Variants in GRAMD1B observed in about 807,000 individuals in gnomAD.
GRAMD1B encodes the protein GRAM domain containing 1B.
Under a neutral mutation model 99.7 loss-of-function variants are expected in GRAMD1B, and 37 were observed. That is an observed-to-expected ratio of 0.37 (90% CI 0.29 to 0.49). GRAMD1B has a LOEUF of 0.49. Among genes scored for constraint, GRAMD1B ranks in the 20% least tolerant of loss-of-function variants. The pLI is 0.98. For missense variants in GRAMD1B, 888 were observed against 1,009.2 expected (o/e 0.88, Z 1.63); for synonymous variants, 427 against 387.6 (o/e 1.10, Z -1.19).
chr11:123,449,600 T>C (rs990865047), intron 1 of GRAMD1B, among the ~76,000 whole-genome samples: 1 of 152,146 alleles, frequency 6.6e-6, no homozygotes, highest in Non-Finnish European at 1.5e-5. Flanking sequence ...TTTATTTTTA[T>C]TTTTTCATAT....
At chr11:123,518,013 T>G (rs1265388938) in intron 2 of GRAMD1B, among the ~76,000 whole-genome samples, 2 of 152,080 alleles carry the variant, frequency 1.3e-5, no homozygotes, top group African/African-American at 4.8e-5. Context: ...ACGGGGGTGA[T>G]TAGAAATCTG....
At position 123,415,763 on chromosome 11, in the gene GRAMD1B, C is replaced by T. The variant is rs151104519; in HGVS notation, c.-176+56964C>T. Among the ~76,000 whole-genome samples, 1,374 of 152,246 alleles carry T rather than the reference C, an allele frequency of 9.0e-3. 14 individuals carry two copies. Among genetic ancestry groups the T allele is most frequent in the Non-Finnish European group, 0.014 (986 of 68,016 alleles). The stretch of plus-strand genomic sequence containing the variant: ...CTACTGTTTAATGGACTAACTTTGT[C>T]ATTATGCCTCATAGGCAAAATGGTG... On this transcript the variant is annotated intron_variant, in intron 1 of 20. Transcript: ENST00000638157.
At chr11:123,456,712 G>A (rs915144793) in intron 1 of GRAMD1B, among the ~76,000 whole-genome samples, 2 of 152,000 alleles carry the variant, frequency 1.3e-5, no homozygotes, top group African/African-American at 4.8e-5. Context: ...TTGAGGTCAG[G>A]AGTTTGAGAC....
intron 7 of GRAMD1B, chr11:123,598,567 G>A (rs1592207266): frequency 6.4e-7 from 1 of 1,554,560 alleles, no homozygotes; most frequent in Non-Finnish European, 8.9e-7. Flanking sequence ...GAGGTATCAA[G>A]TGACTCTAGG....
At chr11:123,616,913 A>G (rs796998935) in intron 17 of GRAMD1B, among the ~76,000 whole-genome samples, 2 of 152,170 alleles carry the variant, frequency 1.3e-5, no homozygotes, top group South Asian at 4.1e-4. Context: ...AAAATTAAAG[A>G]CCGTGGCACT....
intron 1 of GRAMD1B, among the ~76,000 whole-genome samples, chr11:123,370,871 C>T (rs1030228565): frequency 1.3e-5 from 2 of 152,104 alleles, no homozygotes; most frequent in Non-Finnish European, 1.5e-5. Flanking sequence ...ACCCCATGAG[C>T]AGCGAGTTGG....
chr11:123,539,980 A>G (rs1466872606), intron 2 of GRAMD1B, among the ~76,000 whole-genome samples: 2 of 152,120 alleles, frequency 1.3e-5, no homozygotes, highest in Non-Finnish European at 2.9e-5. Flanking sequence ...ATGGATTCCT[A>G]TAATTTCAGT....
At chr11:123,476,289 CAG>C (rs1174700477) in intron 1 of GRAMD1B, among the ~76,000 whole-genome samples, 3 of 152,026 alleles carry the variant, frequency 2.0e-5, no homozygotes, top group Non-Finnish European at 4.4e-5. Context: ...TTAGTAGAGA[CAG>C]GGTTTCACCA....
chr11:123,389,257 A>G (rs934585314), intron 1 of GRAMD1B, among the ~76,000 whole-genome samples: 7 of 151,694 alleles, frequency 4.6e-5, no homozygotes, highest in African/African-American at 1.5e-4. Flanking sequence ...GGTGGTGGGC[A>G]CCTGTAGTCC....
upstream of GRAMD1B, among the ~76,000 whole-genome samples, chr11:123,428,516 C>T (rs1591505484): frequency 1.3e-5 from 2 of 152,348 alleles, no homozygotes; most frequent in East Asian, 3.9e-4. Flanking sequence ...GGCTCTTCAG[C>T]CGCAGTATCT....
At chr11:123,452,822 AG>A (rs1250975516) in intron 1 of GRAMD1B, among the ~76,000 whole-genome samples, 1 of 152,154 alleles carries the variant, frequency 6.6e-6, no homozygotes, top group Non-Finnish European at 1.5e-5. Flanking sequence ...TCTTCTAACC[AG>A]GCCTTTTGCT....
At chr11:123,458,666 T>A (rs1478516598) in intron 1 of GRAMD1B, 1 of 148,876 alleles carries the variant, frequency 6.7e-6, no homozygotes, top group Non-Finnish European at 1.5e-5. Context: ...GTATCCTAGA[T>A]AAGGAAACAG....
At chr11:123,511,181 C>T (rs1940970919) in intron 2 of GRAMD1B, among the ~76,000 whole-genome samples, 1 of 152,176 alleles carries the variant, frequency 6.6e-6, no homozygotes. Flanking sequence ...TCTTTTGCTT[C>T]TCCCTGTTGT....
At chr11:123,482,530 T>G (rs932971741) in intron 2 of GRAMD1B, among the ~76,000 whole-genome samples, 11 of 152,222 alleles carry the variant, frequency 7.2e-5, no homozygotes, top group African/African-American at 2.4e-4. Context: ...AAAGAATATT[T>G]TTATTTGCCA....
intron 1 of GRAMD1B, among the ~76,000 whole-genome samples, chr11:123,406,416 G>T (rs1050702228): frequency 6.6e-6 from 1 of 152,078 alleles, no homozygotes; most frequent in African/African-American, 2.4e-5. Context: ...ACCACACCCA[G>T]CTAATGTTGG....
At chr11:123,374,392 A>G (rs1186595641) in intron 1 of GRAMD1B, among the ~76,000 whole-genome samples, 3 of 152,152 alleles carry the variant, frequency 2.0e-5, no homozygotes, top group Non-Finnish European at 4.4e-5. Context: ...TTGAACTTTT[A>G]ACTGCAACCA....
intron 2 of GRAMD1B, among the ~76,000 whole-genome samples, chr11:123,484,707 T>C (rs768099935): frequency 2.0e-5 from 3 of 152,134 alleles, no homozygotes; most frequent in Non-Finnish European, 4.4e-5. Context: ...GGCTCTAGTA[T>C]GTGTTCACTC....
At chr11:123,554,003 A>G (rs1945890421) in intron 2 of GRAMD1B, among the ~76,000 whole-genome samples, 1 of 152,188 alleles carries the variant, frequency 6.6e-6, no homozygotes, top group African/African-American at 2.4e-5. Context: ...CAGACTGTCT[A>G]TATACCCTCT....
At chr11:123,605,908 C>A (rs1187184527) in intron 10 of GRAMD1B, among the ~76,000 whole-genome samples, 1 of 152,168 alleles carries the variant, frequency 6.6e-6, no homozygotes, top group Non-Finnish European at 1.5e-5. Context: ...TGGCTTATTT[C>A]TCCACTGTGG....
Sources: allele counts gnomAD v4.1 joint callset (sites outside exome capture counted in the v4.1 genomes callset), GRCh38; gene constraint gnomAD v4.1.1; transcripts MANE v1.5; gene names NCBI Gene and HGNC (gene_info 2026-07-23, HGNC 2026-07-21).